MTA3: variants seen among roughly 807,000 people sequenced by gnomAD.
MTA3 encodes the protein metastasis associated 1 family member 3.
In MTA3, 34 loss-of-function variants were observed where a neutral mutation model predicts 83.5. The observed-to-expected ratio is 0.41, with a 90% CI of 0.31 to 0.54. The LOEUF (loss-of-function observed/expected upper bound fraction) is 0.54. Among genes scored for constraint, MTA3 ranks in the 20% least tolerant of loss-of-function variants. The pLI is 0.33. For synonymous variants in MTA3, 303 were observed against 252.7 expected (o/e 1.20, Z -1.89); for missense variants, 761 against 726.4 (o/e 1.05, Z -0.55).
At chr2:42,636,930 C>T (rs1687263305) in intron 4 of MTA3, among the ~76,000 whole-genome samples, 1 of 152,092 alleles carries the variant, frequency 6.6e-6, no homozygotes, top group South Asian at 2.1e-4. Context: ...TGGCCCTCCT[C>T]TTTCATTTAT....
At chr2:42,718,683 A>C (rs1004499751) in intron 14 of MTA3, among the ~76,000 whole-genome samples, 1 of 151,850 alleles carries the variant, frequency 6.6e-6, no homozygotes, top group Non-Finnish European at 1.5e-5. Flanking sequence ...GAATTGCTTG[A>C]ACCCAGGAGG....
chr2:42,505,434 G>C lies in MTA3; in HGVS notation c.-141+10180G>C, dbSNP rs537370736. On this transcript the variant is annotated intron_variant, in intron 2 of 17. Coordinates refer to the MTA3 transcript ENST00000405592. ...AGATGAGATGACTGACTCACCTAAG[G>C]TTCCAAAGCTAACTAGTAAGTGCCA... Among the ~76,000 whole-genome samples, 29 of 152,066 alleles carry C rather than the reference G, an allele frequency of 1.9e-4. 2 individuals carry two copies. In the South Asian group the frequency reaches 6.0e-3, roughly 32 times the overall value.
At chr2:42,544,571 C>T (rs954363976) in intron 2 of MTA3, among the ~76,000 whole-genome samples, 4 of 145,278 alleles carry the variant, frequency 2.8e-5, no homozygotes, top group Admixed American at 6.9e-5. Context: ...CAGGATCTTG[C>T]TCTGTCACTC....
chr2:42,563,188 C>T (rs1475088310), intron 2 of MTA3, among the ~76,000 whole-genome samples: 1 of 152,156 alleles, frequency 6.6e-6, no homozygotes, highest in Non-Finnish European at 1.5e-5. Flanking sequence ...TCTATACAAA[C>T]ACCTTACTCC....
At chr2:42,612,243 C>T (rs1175834239) in intron 4 of MTA3, among the ~76,000 whole-genome samples, 1 of 152,100 alleles carries the variant, frequency 6.6e-6, no homozygotes, top group Admixed American at 6.6e-5. Context: ...TGTGCGGGAT[C>T]CTGCTTTGTT....
rs375840469 is a variant in MTA3, at chr2:42,723,262, G to T, written c.1759+227G>T. On this transcript the variant is annotated intron_variant, in intron 16 of 16. Coordinates refer to ENST00000405094, the MANE Select transcript of MTA3 (RefSeq NM_001330442.2). ...TTGCTCCCATCTCCTGTTAGGAGGC[G>T]TTTTTGGAGATGAAATCTGTATTTA... 5.8e-6 allele frequency: 3 copies of T among 521,648 alleles called. No individual in the cohort carries two copies. In the East Asian group the frequency reaches 9.7e-5, roughly 17 times the overall value. 32.3% of individuals were successfully genotyped at this position (521,648 alleles called of 1,614,324 possible).
intron 3 of MTA3, among the ~76,000 whole-genome samples, chr2:42,604,019 G>T (rs766492639): frequency 1.3e-5 from 2 of 152,220 alleles, no homozygotes; most frequent in Non-Finnish European, 2.9e-5. Flanking sequence ...AACGTGCTGG[G>T]ATTACAGGCG....
chr2:42,668,733 A>G (rs1446888894), intron 8 of MTA3, among the ~76,000 whole-genome samples: 2 of 152,172 alleles, frequency 1.3e-5, no homozygotes, highest in Non-Finnish European at 2.9e-5. Flanking sequence ...TCATTAGGCT[A>G]TGATTAACCA....
intron 9 of MTA3, among the ~76,000 whole-genome samples, chr2:42,688,387 T>A (rs1350849724): frequency 6.6e-6 from 1 of 152,224 alleles, no homozygotes; most frequent in Admixed American, 6.5e-5. Flanking sequence ...CCTGACACAT[T>A]ATTGTCATTT....
intron 4 of MTA3, among the ~76,000 whole-genome samples, chr2:42,626,980 A>G (rs1318416743): frequency 6.6e-6 from 1 of 152,088 alleles, no homozygotes; most frequent in East Asian, 1.9e-4. Flanking sequence ...ACCTCAGGTG[A>G]TCTGCCTGTC....
intron 11 of MTA3, among the ~76,000 whole-genome samples, chr2:42,701,319 G>A (rs965026380): frequency 7.9e-5 from 11 of 139,696 alleles, no homozygotes; most frequent in African/African-American, 2.2e-4. Flanking sequence ...AAAATTAAAG[G>A]CCAGGCATGG....
chr2:42,753,078 A>G (rs1395643950), intron 16 of MTA3, among the ~76,000 whole-genome samples: 2 of 152,056 alleles, frequency 1.3e-5, no homozygotes, highest in Non-Finnish European at 2.9e-5. Context: ...GGCATGCACC[A>G]CCACACCTGG....
upstream of MTA3, among the ~76,000 whole-genome samples, chr2:42,567,419 C>T (rs933474121): frequency 4.6e-5 from 7 of 152,172 alleles, no homozygotes; most frequent in African/African-American, 1.2e-4. Context: ...ACCACCAAAA[C>T]ACAACCTTCT....
chr2:42,751,442 GTC>G (rs548351992), intron 16 of MTA3, among the ~76,000 whole-genome samples: 69 of 152,352 alleles, frequency 4.5e-4, no homozygotes, highest in African/African-American at 1.6e-3. Flanking sequence ...ACTGTGCTGA[GTC>G]TCTGTATCTG....
chr2:42,559,686 C>T (rs927546018), intron 2 of MTA3, among the ~76,000 whole-genome samples: 1 of 151,576 alleles, frequency 6.6e-6, no homozygotes, highest in Non-Finnish European at 1.5e-5. Context: ...CGAGACCAGC[C>T]TGACCAACAT....
Position 42,697,757 on chromosome 2 carries a change from T to C in MTA3, c.967-19T>C. 6.6e-7 allele frequency: 1 copy of C among 1,513,570 alleles called. No homozygotes were observed. Among genetic ancestry groups the C allele is most frequent in the Admixed American group, 2.2e-5 (1 of 45,124 alleles). 93.8% of individuals were successfully genotyped at this position (1,513,570 alleles called of 1,614,324 possible). On this transcript the variant is annotated intron_variant, in intron 10 of 16. Transcript: ENST00000405094. ...ATTAGGCATTGCATGTAAAATGTTT[T>C]ATTCATCTTTTGAATTAGAAACGTC...
chr2:42,594,728 A>ATATATATATATATATTTTTTTTTT lies in MTA3; in HGVS notation c.191-14729_191-14728insATATATATATATATTTTTTTTTTT. On this transcript the variant is annotated intron_variant, in intron 3 of 16. Transcript: ENST00000405094. ...TACATATATATATATATATATATAT[A>ATATATATATATATATTTTTTTTTT]TTTTTTTTTTTTTTTTGAGACAGAG... Among the ~76,000 whole-genome samples, 34 of 24,036 alleles carry ATATATATATATATATTTTTTTTTT rather than the reference A, an allele frequency of 1.4e-3. 1 individual carries two copies. Among genetic ancestry groups the ATATATATATATATATTTTTTTTTT allele is most frequent in the Non-Finnish European group, 1.6e-3 (25 of 15,452 alleles). 15.8% of individuals were successfully genotyped at this position (24,036 alleles called of 152,430 possible).
chr2:42,499,750 T>C (rs1674311171), intron 2 of MTA3, among the ~76,000 whole-genome samples: 1 of 147,360 alleles, frequency 6.8e-6, no homozygotes, highest in Admixed American at 6.9e-5. Context: ...ATCAAGGCAA[T>C]GCACTACAGC....
intron 3 of MTA3, among the ~76,000 whole-genome samples, chr2:42,606,301 G>C (rs977469420): frequency 6.7e-6 from 1 of 149,962 alleles, no homozygotes; most frequent in Non-Finnish European, 1.5e-5. Context: ...TCACTTCCCA[G>C]ATCGGGTGGC....
Sources: gnomAD v4.1 joint callset for allele counts (sites outside exome capture counted in the v4.1 genomes callset) on GRCh38, gnomAD v4.1.1 for gene constraint, MANE v1.5 for transcripts, NCBI Gene and HGNC (gene_info 2026-07-23, HGNC 2026-07-21) for gene names.